Variants in VPS41 observed in about 807,000 individuals in gnomAD.
VPS41 encodes VPS41 subunit of HOPS complex.
A neutral mutation model predicts 130.9 loss-of-function variants in VPS41; 85 were observed. The observed-to-expected ratio is 0.65, with a 90% CI of 0.55 to 0.78. VPS41 has a LOEUF of 0.78. Among genes scored for constraint, VPS41 ranks in the 30% least tolerant of loss-of-function variants. VPS41 has a pLI of 0.00. For missense variants in VPS41, 874 were observed against 1,018.7 expected, an observed-to-expected ratio of 0.86 and a Z score of 1.93; for synonymous variants, 335 against 332.9, an observed-to-expected ratio of 1.01 and a Z score of -0.07.
At chr7:38,877,466 C>T (rs1157006849) in intron 2 of VPS41, among the ~76,000 whole-genome samples, 1 of 152,098 alleles carries the variant, frequency 6.6e-6, no homozygotes, top group Non-Finnish European at 1.5e-5. Flanking sequence ...GCAGTAGAAG[C>T]AAATAGAGGT....
At chr7:38,809,193 T>G (rs919884749) in intron 7 of VPS41, among the ~76,000 whole-genome samples, 30 of 151,878 alleles carry the variant, frequency 2.0e-4, no homozygotes, top group African/African-American at 7.2e-4. Flanking sequence ...AACTTAAATA[T>G]GTATAATTTG....
In VPS41 at chr7:38,754,706, T is replaced by C; in HGVS notation, c.1784A>G (p.His595Arg). ...EELEDRPELQ[H>R]VYLHKLFKRD... is the part of the protein sequence containing the mutation. ...GGAGGAGACTGCCATGCTCACCACA[T>C]GCTGTAGCTCTGGTCTGTCTTCCAA... The change falls in exon 21 of 29, where the codon CAT (histidine) becomes CGT (arginine). Residue 595 changes from histidine to arginine, a missense_variant. Physicochemically the swap from His to Arg is conservative, Grantham distance 29 (BLOSUM62 0). Coordinates refer to ENST00000310301, the MANE Select transcript of VPS41 (RefSeq NM_014396.4). The C allele has an allele frequency of 1.2e-6, 2 of 1,613,394 alleles. No individual in the cohort carries two copies.
chr7:38,872,771 A>G (rs1461499374), intron 2 of VPS41, among the ~76,000 whole-genome samples: 1 of 152,230 alleles, frequency 6.6e-6, no homozygotes, highest in Non-Finnish European at 1.5e-5. Context: ...ATGTGAAAAA[A>G]GAAAACTGCA....
intron 2 of VPS41, among the ~76,000 whole-genome samples, chr7:38,890,496 T>G (rs77810711): frequency 0.033 from 5,043 of 152,236 alleles, 284 homozygotes; most frequent in East Asian, 0.22. Flanking sequence ...ATGATAAAAC[T>G]GCACAGAACT....
intron 5 of VPS41, among the ~76,000 whole-genome samples, chr7:38,823,787 A>C (rs1311112009): frequency 6.6e-6 from 1 of 152,216 alleles, no homozygotes; most frequent in Non-Finnish European, 1.5e-5. Flanking sequence ...ATTTTTCCTG[A>C]GGCTGGCCTT....
At position 38,726,284 on chromosome 7, in the gene VPS41, G is replaced by A. The variant is rs768962848; in HGVS notation, c.2527C>T (p.Arg843Cys). 6.2e-6 allele frequency: 10 copies of A among 1,613,738 alleles called. No homozygotes were observed. The highest frequency in any genetic ancestry group is 2.2e-5 in the East Asian group (1 of 44,884). Reference protein sequence around the residue: ...QFCNICSAKNRGPGSAILEMK... With the variant: ...QFCNICSAKNCGPGSAILEMK... ...TCCAAAATTGCACTTCCTGGTCCACGGTTCTTAGCACTGCAGATGTTGCAG... is the reference window on the plus strand; with the variant it reads ...TCCAAAATTGCACTTCCTGGTCCACAGTTCTTAGCACTGCAGATGTTGCAG... Residue 843 changes from arginine (R) to cysteine (C), a missense_variant, in exon 29 of 29, where the codon CGT (arginine) becomes TGT (cysteine). Transcript: ENST00000310301.
intron 3 of VPS41, among the ~76,000 whole-genome samples, chr7:38,864,985 A>T (rs901672702): frequency 6.6e-6 from 1 of 152,160 alleles, no homozygotes; most frequent in Non-Finnish European, 1.5e-5. Flanking sequence ...TTATGTAAGG[A>T]AACAAGCAGA....
chr7:38,754,376 CA>C (rs1783746698), intron 21 of VPS41, among the ~76,000 whole-genome samples: 1 of 152,022 alleles, frequency 6.6e-6, no homozygotes, highest in African/African-American at 2.4e-5. Context: ...CAACATAACA[CA>C]AAAACATTCA....
chr7:38,744,378 G>A (rs1328859046), intron 23 of VPS41, among the ~76,000 whole-genome samples: 2 of 152,142 alleles, frequency 1.3e-5, no homozygotes, highest in East Asian at 1.9e-4. Context: ...CCCTGCACAC[G>A]GCCATTATCA....
chr7:38,779,694 T>C (rs191869688), intron 10 of VPS41, among the ~76,000 whole-genome samples: 3 of 152,308 alleles, frequency 2.0e-5, no homozygotes, highest in East Asian at 3.9e-4. Flanking sequence ...TTATCTTTTA[T>C]AGCGATGCTG....
chr7:38,774,746 C>T lies in VPS41; in HGVS notation c.883-502G>A, dbSNP rs945812485. Among the ~76,000 whole-genome samples the T allele has an allele frequency of 3.3e-5, 5 of 152,022 alleles. No individual in the cohort carries two copies. The South Asian group carries it at 6.2e-4, about 19-fold the overall frequency. On this transcript the variant is annotated intron_variant, in intron 11 of 28. Transcript: ENST00000310301. The stretch of plus-strand genomic sequence containing the variant: ...TGAATCTCATTTTATACTTTCGTTC[C>T]CTGGCCAAACAGCCCTTGCCTGTGA...
At chr7:38,796,596 A>G (rs1027192891) in intron 8 of VPS41, 149 bp downstream of exon 8, 51 of 1,133,546 alleles carry the variant, frequency 4.5e-5, no homozygotes, top group Admixed American at 3.2e-4. Context: ...AATTTCTTTA[A>G]CCTCCTAGGT....
intron 4 of VPS41, among the ~76,000 whole-genome samples, chr7:38,860,697 T>TTG (rs59007809): frequency 0.02 from 2,896 of 143,428 alleles, 47 homozygotes; most frequent in African/African-American, 0.042. Flanking sequence ...AACAATCTGT[T>TTG]TGTGTGTGTG....
At chr7:38,869,098 T>C in intron 3 of VPS41, 48 bp downstream of exon 3, 1 of 1,436,476 alleles carries the variant, frequency 7.0e-7, no homozygotes, top group Non-Finnish European at 9.5e-7. Context: ...CAAGCAAATT[T>C]ACAATGGAAA....
chr7:38,729,825 G>A (rs1795626222), intron 25 of VPS41, among the ~76,000 whole-genome samples: 1 of 152,230 alleles, frequency 6.6e-6, no homozygotes, highest in South Asian at 2.1e-4. Context: ...GTGGGGCACA[G>A]TGTGAGCTCC....
intron 1 of VPS41, among the ~76,000 whole-genome samples, chr7:38,904,396 C>T (rs578230295): frequency 6.6e-6 from 1 of 151,224 alleles, no homozygotes; most frequent in South Asian, 2.1e-4. Flanking sequence ...GGAAAGAGTG[C>T]ACCCTCTAAA....
At chr7:38,757,357 T>C (rs1298791373) in intron 18 of VPS41, among the ~76,000 whole-genome samples, 1 of 152,192 alleles carries the variant, frequency 6.6e-6, no homozygotes. Flanking sequence ...ACAAGCAGTA[T>C]TCAGCTGACA....
At chr7:38,822,389 G>A (rs550902873) in intron 5 of VPS41, among the ~76,000 whole-genome samples, 223 of 152,278 alleles carry the variant, frequency 1.5e-3, no homozygotes, top group African/African-American at 4.9e-3. Flanking sequence ...GCATGGATAA[G>A]TTGTGCTGGT....
At chr7:38,794,432 C>CT (rs550924253) in intron 9 of VPS41, among the ~76,000 whole-genome samples, 415 of 152,336 alleles carry the variant, frequency 2.7e-3, no homozygotes, top group Middle Eastern at 0.014. Flanking sequence ...TAATTTTCCA[C>CT]TTTCCCTTTC....
Sources: gnomAD v4.1 joint callset for allele counts (sites outside exome capture counted in the v4.1 genomes callset) on GRCh38, gnomAD v4.1.1 for gene constraint, MANE v1.5 for transcripts, NCBI Gene and HGNC (gene_info 2026-07-23, HGNC 2026-07-21) for gene names.